The following SLC12A6 variants were observed in gnomAD, a reference collection of about 807,000 sequenced individuals.
SLC12A6 encodes the protein K-Cl cotransporter 3.
Under a neutral mutation model 135.3 loss-of-function variants are expected in SLC12A6, and 66 were observed. That is an observed-to-expected ratio of 0.49 (90% CI 0.40 to 0.60). The LOEUF (loss-of-function observed/expected upper bound fraction) is 0.60, where lower values mean the gene tolerates loss of function less well. SLC12A6 is among the 20% of genes least tolerant of loss of function. The pLI is 0.00. For synonymous variants in SLC12A6, 513 were observed against 508.8 expected, an observed-to-expected ratio of 1.01 and a Z score of -0.11; for missense variants, 1,058 against 1,452.3, an observed-to-expected ratio of 0.73 and a Z score of 4.41.
chr15:34,244,127 G>C, intron 15 of SLC12A6, 55 bp from the exon 16 acceptor site: 3 of 1,000,174 alleles, frequency 3.0e-6, no homozygotes, highest in Non-Finnish European at 4.8e-6. Flanking sequence ...TTCTTTGAAG[G>C]TTAAGTAACT....
At chr15:34,329,551 C>G (rs104017) in intron 2 of SLC12A6, among the ~76,000 whole-genome samples, 62,741 of 151,576 alleles carry the variant, frequency 0.41, 13,904 homozygotes, top group African/African-American at 0.59. Flanking sequence ...CCACTGAGAA[C>G]AAAAGAATTT....
At chr15:34,264,407 A>C (rs1893357018) in intron 3 of SLC12A6, among the ~76,000 whole-genome samples, 2 of 152,226 alleles carry the variant, frequency 1.3e-5, no homozygotes, top group African/African-American at 4.8e-5. Context: ...CAGTTCAAGG[A>C]AAACACAAAG....
chr15:34,302,177 GT>G (rs1896300122), intron 2 of SLC12A6, among the ~76,000 whole-genome samples: 1 of 152,142 alleles, frequency 6.6e-6, no homozygotes, highest in African/African-American at 2.4e-5. Flanking sequence ...TGAGAAGATG[GT>G]GAGAGTAATA....
In SLC12A6 at chr15:34,250,405, T is replaced by C. The variant is rs17236791; in HGVS notation, c.1592-50A>G. ...CTGTTGTTTACCCTCTAACATGAGATAGAAAGTAGACACTCAGTAGACACT... is the reference window on the plus strand; with the variant it reads ...CTGTTGTTTACCCTCTAACATGAGACAGAAAGTAGACACTCAGTAGACACT... On this transcript the variant is annotated intron_variant, in intron 12 of 25. Coordinates refer to ENST00000354181, the MANE Select transcript of SLC12A6 (RefSeq NM_001365088.1). 0.11 allele frequency: 130,783 copies of C among 1,138,522 alleles called. 9,046 individuals carry two copies. Among genetic ancestry groups the C allele is most frequent in the Non-Finnish European group, 0.14 (106,902 of 745,510 alleles). 70.5% of individuals were successfully genotyped at this position (1,138,522 alleles called of 1,614,324 possible).
intron 21 of SLC12A6, 83 bp downstream of exon 21, chr15:34,238,149 T>C (rs1388472863): frequency 1.0e-6 from 1 of 978,812 alleles, no homozygotes; most frequent in African/African-American, 1.6e-5. Flanking sequence ...AACACTATTA[T>C]AATCAGAGGA....
At chr15:34,279,119 A>G (rs1362813576) in intron 2 of SLC12A6, among the ~76,000 whole-genome samples, 1 of 151,838 alleles carries the variant, frequency 6.6e-6, no homozygotes, top group Non-Finnish European at 1.5e-5. Context: ...GTTCAGGACC[A>G]GCCTGGCTAA....
rs183247046 is a variant in SLC12A6 at position 34,297,181 on chromosome 15, G to A, written c.272-21792C>T. Among the ~76,000 whole-genome samples the A allele has an allele frequency of 1.8e-4, 28 of 152,262 alleles. No homozygotes were observed. The East Asian group carries it at 2.7e-3, about 15-fold the overall frequency. Reference sequence around the variant, plus strand: ...ATCTCTTTTTTAACAGGCTTAGTCAGAGCCTAAGCTTGGCAACAGTATCTA... The same window carrying A: ...ATCTCTTTTTTAACAGGCTTAGTCAAAGCCTAAGCTTGGCAACAGTATCTA... On this transcript the variant is annotated intron_variant, in intron 2 of 25. Coordinates refer to ENST00000354181, the MANE Select transcript of SLC12A6 (RefSeq NM_001365088.1).
intron 2 of SLC12A6, among the ~76,000 whole-genome samples, chr15:34,276,416 G>A (rs186130722): frequency 2.0e-5 from 3 of 152,210 alleles, no homozygotes; most frequent in East Asian, 3.9e-4. Context: ...AATAAAATTC[G>A]TGGCAATAAG....
Position 34,336,502 on chromosome 15 carries a change from A to G in SLC12A6, c.179T>C (p.Met60Thr). ...SVPETSRSEP[M>T]SEMSGATTSL... ...AGTGGTGGCCCCAGACATCTCACTC[A>G]TAGGCTCACTCCGGCTTGTTTCAGG... is the stretch of plus-strand genomic sequence containing the variant. Residue 60 changes from methionine to threonine, a missense_variant, in exon 2 of 26, where the codon ATG becomes ACG. Transcript: ENST00000354181. The G allele has an allele frequency of 6.2e-7, 1 of 1,613,906 alleles. No homozygotes were observed. Among genetic ancestry groups the G allele is most frequent in the Non-Finnish European group, 8.5e-7 (1 of 1,179,806 alleles).
At chr15:34,239,721 T>C (rs1264779034) in intron 19 of SLC12A6, among the ~76,000 whole-genome samples, 11 of 152,060 alleles carry the variant, frequency 7.2e-5, no homozygotes, top group Admixed American at 3.3e-4. Flanking sequence ...TCAAACCAAT[T>C]TGGAGATATC....
chr15:34,286,834 T>C (rs1895114714), intron 2 of SLC12A6, among the ~76,000 whole-genome samples: 1 of 152,040 alleles, frequency 6.6e-6, no homozygotes, highest in Admixed American at 6.6e-5. Flanking sequence ...AGCAACCTTA[T>C]CTCCTAATTC....
rs767685808 is a variant in SLC12A6 at position 34,336,584 on chromosome 15, G to C, written c.97C>G (p.Pro33Ala). 9.3e-6 allele frequency: 15 copies of C among 1,613,764 alleles called. No individual in the cohort carries two copies. The highest frequency in any genetic ancestry group is 1.2e-5 in the Non-Finnish European group (14 of 1,179,814). The change falls in exon 2 of 26, where the codon CCG (proline) becomes GCG (alanine). Residue 33 changes from proline to alanine, a missense_variant. This residue lies in a region of SLC12A6 where 176 missense variants were observed against 168.9 expected (regional missense o/e 1.04). Transcript: ENST00000354181. ...GAACTAGATCGAGAGCTGAGGTCCG[G>C]ACTGGTGTCTGACAAACCTGGAATG... is the stretch of plus-strand genomic sequence containing the variant. ...DDIPGLSDTS[P>A]DLSSRSSSRV...
chr15:34,304,746 A>T (rs1007789612), intron 2 of SLC12A6, among the ~76,000 whole-genome samples: 1 of 152,162 alleles, frequency 6.6e-6, no homozygotes, highest in African/African-American at 2.4e-5. Context: ...TTCTGCCCTG[A>T]CTTACTTATC....
intron 15 of SLC12A6, among the ~76,000 whole-genome samples, chr15:34,244,466 CCTT>C (rs1028000104): frequency 2.0e-5 from 3 of 152,340 alleles, no homozygotes; most frequent in Admixed American, 1.3e-4. Context: ...ATTCTAGCCT[CCTT>C]CTAATCCATC....
At chr15:34,325,732 C>A (rs148332547) in intron 2 of SLC12A6, among the ~76,000 whole-genome samples, 1,797 of 152,216 alleles carry the variant, frequency 0.012, 14 homozygotes, top group Middle Eastern at 0.037. Flanking sequence ...AAATCTCATG[C>A]TTTAACTGAG....
chr15:34,333,461 G>A (rs12101683), intron 2 of SLC12A6, among the ~76,000 whole-genome samples: 17 of 151,804 alleles, frequency 1.1e-4, no homozygotes, highest in Non-Finnish European at 2.4e-4. Context: ...GGACTCCTGA[G>A]CTCAGGGAAT....
chr15:34,318,496 T>C, intron 2 of SLC12A6: 1 of 1,264,420 alleles, frequency 7.9e-7, no homozygotes, highest in Non-Finnish European at 1.2e-6. Context: ...TGAATTTTGA[T>C]ATCCTAGTTA....
rs746796598 is a variant in SLC12A6 at position 34,235,204 on chromosome 15, C to T, written c.3338G>A (p.Arg1113Gln). Residue 1113 changes from arginine (R) to glutamine (Q), a missense_variant, in exon 25 of 26, where the codon CGA becomes CAA. Arg to Gln is a conservative substitution (Grantham distance 43). This residue lies in a region of SLC12A6 where 245 missense variants were observed against 440.8 expected (regional missense o/e 0.56). Coordinates refer to ENST00000354181, the MANE Select transcript of SLC12A6 (RefSeq NM_001365088.1). ...LVLLNMPGPP[R>Q]NPEGDENYME... is the part of the protein sequence containing the mutation. ...ACAGTTTTCATCACCCTCAGGGTTTCGGGGTGGCCCTGGCATATTCAATAA... is the reference window on the plus strand; with the variant it reads ...ACAGTTTTCATCACCCTCAGGGTTTTGGGGTGGCCCTGGCATATTCAATAA... 5 of 1,613,862 alleles carry T rather than the reference C, an allele frequency of 3.1e-6. No individual in the cohort carries two copies. Among genetic ancestry groups the T allele is most frequent in the Admixed American group, 1.7e-5 (1 of 59,996 alleles).
At chr15:34,277,012 A>ATT (rs145777224) in intron 2 of SLC12A6, among the ~76,000 whole-genome samples, 1 of 151,996 alleles carries the variant, frequency 6.6e-6, no homozygotes, top group Non-Finnish European at 1.5e-5. Context: ...TTTTCAGGGG[A>ATT]TTTTTTTCCT....
Sources: allele counts gnomAD v4.1 joint callset (sites outside exome capture counted in the v4.1 genomes callset), GRCh38; gene constraint gnomAD v4.1.1; regional missense constraint gnomAD v4.1.1; transcripts MANE v1.5; gene names NCBI Gene and HGNC (gene_info 2026-07-23, HGNC 2026-07-21).